The following OSBPL6 variants were observed in gnomAD, a reference collection of about 807,000 sequenced individuals.
OSBPL6 encodes oxysterol-binding protein-related protein 6.
OSBPL6 carries 49 observed loss-of-function variants against 125.8 expected under a neutral mutation model. The observed-to-expected ratio is 0.39, with a 90% confidence interval of 0.31 to 0.49. The LOEUF (loss-of-function observed/expected upper bound fraction) is 0.49. Among genes scored for constraint, OSBPL6 ranks in the 20% least tolerant of loss-of-function variants. The probability of loss-of-function intolerance (pLI) is 0.88; values close to 1 mark genes in which losing one functional copy is unlikely to be tolerated. For missense variants in OSBPL6, 986 were observed against 1,135.4 expected (o/e 0.87, Z 1.89); for synonymous variants, 394 against 391.8 (o/e 1.01, Z -0.07).
intron 1 of OSBPL6, among the ~76,000 whole-genome samples, chr2:178,214,553 C>T (rs2090004601): frequency 6.6e-6 from 1 of 152,186 alleles, no homozygotes; most frequent in African/African-American, 2.4e-5. Context: ...TCCCGGGGAA[C>T]TCGGCTCTGC....
At chr2:178,199,693 T>A (rs2089135197) in intron 1 of OSBPL6, among the ~76,000 whole-genome samples, 1 of 151,476 alleles carries the variant, frequency 6.6e-6, no homozygotes, top group Non-Finnish European at 1.5e-5. Context: ...CCACATCACA[T>A]AGCCTTGTAC....
At chr2:178,356,162 C>T (rs909536702) in intron 12 of OSBPL6, among the ~76,000 whole-genome samples, 2 of 152,172 alleles carry the variant, frequency 1.3e-5, no homozygotes, top group African/African-American at 4.8e-5. Flanking sequence ...GAAGCATTCC[C>T]TTTGAAAACC....
At chr2:178,209,409 G>T in intron 1 of OSBPL6, among the ~76,000 whole-genome samples, 1 of 134,514 alleles carries the variant, frequency 7.4e-6, no homozygotes. Context: ...ATTGAGTTTT[G>T]CATGTTTGAA....
At chr2:178,346,722 C>T (rs981469778) in intron 11 of OSBPL6, among the ~76,000 whole-genome samples, 3 of 152,138 alleles carry the variant, frequency 2.0e-5, no homozygotes, top group African/African-American at 7.2e-5. Flanking sequence ...CTATAATACC[C>T]AAATTGATGA....
At chr2:178,196,869 A>G (rs2088928264) in intron 1 of OSBPL6, among the ~76,000 whole-genome samples, 1 of 152,208 alleles carries the variant, frequency 6.6e-6, no homozygotes. Context: ...AAAGGGTCTC[A>G]TAGTATCCAT....
At chr2:178,291,338 A>G (rs981959694) in intron 2 of OSBPL6, among the ~76,000 whole-genome samples, 1 of 152,138 alleles carries the variant, frequency 6.6e-6, no homozygotes, top group Non-Finnish European at 1.5e-5. Flanking sequence ...ATGATTGTAC[A>G]TTTTGGATGG....
intron 1 of OSBPL6, among the ~76,000 whole-genome samples, chr2:178,199,584 GTTT>G (rs796140256): frequency 1.2e-4 from 16 of 130,546 alleles, no homozygotes; most frequent in African/African-American, 4.4e-4. Flanking sequence ...ACCATTAAGG[GTTT>G]TTTTTTTTTT....
intron 3 of OSBPL6, among the ~76,000 whole-genome samples, chr2:178,319,151 C>A (rs1270404429): frequency 1.3e-5 from 2 of 152,196 alleles, no homozygotes. Context: ...GCACCATACA[C>A]CATACCCCCA....
chr2:178,206,044 T>C lies in OSBPL6; in HGVS notation c.-351+11370T>C, dbSNP rs527322074. Among the ~76,000 whole-genome samples, 75 of 152,372 alleles carry C rather than the reference T, an allele frequency of 4.9e-4. 1 individual carries two copies. The highest frequency in any genetic ancestry group is 3.4e-3 in the Middle Eastern group (1 of 294). On this transcript the variant is annotated intron_variant, in intron 1 of 24. Coordinates refer to ENST00000190611, the MANE Select transcript of OSBPL6 (RefSeq NM_032523.4). ...AACTACTTGAGCCTACCCAATATGC[T>C]GATTAATCAGATGATGCATCCAACT... is the stretch of plus-strand genomic sequence containing the variant.
intron 1 of OSBPL6, among the ~76,000 whole-genome samples, chr2:178,261,392 T>TG (rs2092056779): frequency 7.2e-6 from 1 of 137,958 alleles, no homozygotes; most frequent in South Asian, 2.2e-4. Context: ...ACATTATAAT[T>TG]GAAAAAAAAA....
At position 178,324,184 on chromosome 2, in the gene OSBPL6, A is replaced by T. The variant is rs752567909; in HGVS notation, c.110A>T (p.His37Leu). 1 of 1,538,540 alleles carries T rather than the reference A, an allele frequency of 6.5e-7. No individual in the cohort carries two copies. Among genetic ancestry groups the T allele is most frequent in the Admixed American group, 1.7e-5 (1 of 57,716 alleles). Residue 37 changes from histidine (H) to leucine (L), a missense_variant, in exon 4 of 25, where the codon CAC becomes CTC. Physicochemically the swap from His to Leu is moderately conservative, Grantham distance 99. This residue lies in a region of OSBPL6 where 130 missense variants were observed against 106.4 expected (regional missense o/e 1.22). Transcript: ENST00000190611. ...GTTTTCATTTATTTTCAGAGTATTC[A>T]CATACTGGAGAGGACTGCTTCCTCT... is the stretch of plus-strand genomic sequence containing the variant. ...SSQRDSRQSIHILERTASSST... is the reference protein window; with the variant it reads ...SSQRDSRQSILILERTASSST...
At chr2:178,255,332 A>C (rs1018007333) in intron 1 of OSBPL6, among the ~76,000 whole-genome samples, 1 of 152,188 alleles carries the variant, frequency 6.6e-6, no homozygotes, top group African/African-American at 2.4e-5. Context: ...AAAAACAAAC[A>C]AAAACAAAAA....
At chr2:178,326,444 T>C (rs1167221670) in intron 4 of OSBPL6, among the ~76,000 whole-genome samples, 1 of 152,212 alleles carries the variant, frequency 6.6e-6, no homozygotes, top group African/African-American at 2.4e-5. Context: ...AGCTCTGTTA[T>C]AAGTAAACCC....
intron 13 of OSBPL6, among the ~76,000 whole-genome samples, chr2:178,369,269 A>G (rs990554737): frequency 2.0e-5 from 3 of 152,226 alleles, no homozygotes; most frequent in Non-Finnish European, 2.9e-5. Context: ...TAAACTTTGC[A>G]TAGAATGTAA....
intron 1 of OSBPL6, among the ~76,000 whole-genome samples, chr2:178,213,337 G>A (rs971381756): frequency 6.6e-6 from 1 of 151,904 alleles, no homozygotes; most frequent in South Asian, 2.1e-4. Context: ...TATCTTACAG[G>A]AATTACAAAC....
chr2:178,376,044 A>G lies in OSBPL6; in HGVS notation c.1533+2017A>G, dbSNP rs147132304. On this transcript the variant is annotated intron_variant, in intron 15 of 24. Transcript: ENST00000190611. The stretch of plus-strand genomic sequence containing the variant: ...AGGGTCGCAGGGAGATGAGACATTC[A>G]CTGTGAGGCATCATGAGTTTATCAG... 1.7e-4 allele frequency among the ~76,000 whole-genome samples: 26 copies of G among 152,200 alleles called. No homozygotes were observed. The East Asian group carries it at 4.6e-3, about 27-fold the overall frequency.
intron 11 of OSBPL6, among the ~76,000 whole-genome samples, chr2:178,342,254 G>C (rs1690278367): frequency 6.6e-6 from 1 of 152,148 alleles, no homozygotes; most frequent in Admixed American, 6.5e-5. Flanking sequence ...CATTGTGAAG[G>C]TGCCCAGACC....
intron 1 of OSBPL6, among the ~76,000 whole-genome samples, chr2:178,276,097 C>T (rs2092463367): frequency 6.6e-6 from 1 of 152,012 alleles, no homozygotes; most frequent in Non-Finnish European, 1.5e-5. Context: ...CTACTTTCCC[C>T]CTAGTGTATC....
chr2:178,269,849 G>A (rs2092332975), intron 1 of OSBPL6, among the ~76,000 whole-genome samples: 1 of 152,200 alleles, frequency 6.6e-6, no homozygotes, highest in Non-Finnish European at 1.5e-5. Context: ...AAGCATAGTG[G>A]CAGCCAGTTA....
Sources: allele counts gnomAD v4.1 joint callset (sites outside exome capture counted in the v4.1 genomes callset), GRCh38; gene constraint gnomAD v4.1.1; regional missense constraint gnomAD v4.1.1; transcripts MANE v1.5; gene names NCBI Gene and HGNC (gene_info 2026-07-23, HGNC 2026-07-21).